The following PTCHD4 variants were observed in gnomAD, a reference collection of about 807,000 sequenced individuals.
The protein encoded by PTCHD4 is patched domain-containing protein 4.
Under a neutral mutation model 58.1 loss-of-function variants are expected in PTCHD4, and 33 were observed. The observed-to-expected ratio is 0.57, with a 90% CI of 0.43 to 0.76. The LOEUF (loss-of-function observed/expected upper bound fraction) is 0.76. PTCHD4 is among the 30% of genes least tolerant of loss of function. The pLI, the probability that PTCHD4 is intolerant of heterozygous loss-of-function variation, is 0.00. For synonymous variants in PTCHD4, 478 were observed against 409.6 expected, an observed-to-expected ratio of 1.17 and a Z score of -2.02; for missense variants, 1,058 against 1,027.1, an observed-to-expected ratio of 1.03 and a Z score of -0.41.
intron 4 of PTCHD4, among the ~76,000 whole-genome samples, chr6:47,919,894 A>G (rs1412874157): frequency 6.6e-6 from 1 of 152,062 alleles, no homozygotes; most frequent in Non-Finnish European, 1.5e-5. Flanking sequence ...GGGTCATGTG[A>G]TTGACTTCTG....
chr6:47,917,765 T>C (rs908509175), intron 4 of PTCHD4, among the ~76,000 whole-genome samples: 6 of 152,168 alleles, frequency 3.9e-5, no homozygotes, highest in East Asian at 3.9e-4. Flanking sequence ...TTCTTGAAGA[T>C]AGACATACCT....
chr6:47,941,737 A>G (rs966663728), intron 4 of PTCHD4, among the ~76,000 whole-genome samples: 2 of 152,228 alleles, frequency 1.3e-5, no homozygotes, highest in Admixed American at 6.5e-5. Flanking sequence ...TACCTACCTT[A>G]CAGGGTGGTT....
At chr6:47,978,090 C>G (rs1183949052) in intron 4 of PTCHD4, among the ~76,000 whole-genome samples, 1 of 151,518 alleles carries the variant, frequency 6.6e-6, no homozygotes, top group Non-Finnish European at 1.5e-5. Context: ...TTCCCTACTC[C>G]TCTCCCTCAT....
intron 3 of PTCHD4, among the ~76,000 whole-genome samples, chr6:48,011,150 CCA>C (rs137929523): frequency 0.7 from 106,451 of 151,456 alleles, 37,445 homozygotes; most frequent in East Asian, 0.84. Context: ...TGCAGAATCG[CCA>C]CACTGTCTTC....
At chr6:48,079,101 G>C (rs1765114843) in intron 1 of PTCHD4, among the ~76,000 whole-genome samples, 1 of 136,786 alleles carries the variant, frequency 7.3e-6, no homozygotes, top group African/African-American at 2.8e-5. Context: ...CTGGGCAACA[G>C]AGCGAAATTC....
intron 4 of PTCHD4, among the ~76,000 whole-genome samples, chr6:48,000,248 A>G (rs887920201): frequency 3.3e-5 from 5 of 152,174 alleles, no homozygotes; most frequent in African/African-American, 9.6e-5. Context: ...TGATCAAGGC[A>G]TTATTTGTTA....
In PTCHD4 at chr6:47,870,351, A is replaced by G. The variant is rs555751649; in HGVS notation, c.*7952T>C. On this transcript the variant is annotated 3_prime_UTR_variant, in exon 5 of 5. Coordinates refer to ENST00000339488, the MANE Select transcript of PTCHD4 (RefSeq NM_001384253.1). The stretch of plus-strand genomic sequence containing the variant: ...ATTTCAGTGTGTCCAAAACATGAAA[A>G]TAATGATGAACCGAACAAGGAAATA... Among the ~76,000 whole-genome samples, 43 of 151,690 alleles carry G rather than the reference A, an allele frequency of 2.8e-4. No homozygotes were observed. The highest frequency in any genetic ancestry group is 5.9e-4 in the Non-Finnish European group (40 of 67,736).
At chr6:48,037,603 G>C (rs866579793) in intron 3 of PTCHD4, among the ~76,000 whole-genome samples, 12 of 152,126 alleles carry the variant, frequency 7.9e-5, no homozygotes, top group Admixed American at 3.9e-4. Context: ...GACTTCAAAA[G>C]TTGAAAAGAA....
At position 47,868,236 on chromosome 6, in the gene PTCHD4, G is replaced by T. The variant is rs1435757711; in HGVS notation, c.*10067C>A. On this transcript the variant is annotated 3_prime_UTR_variant, in exon 5 of 5. Transcript: ENST00000339488. ...CTTGTCCTTAATTTTTCTTTATGTT[G>T]GATCACATTCTCCCTTATTTTACTA... Among the ~76,000 whole-genome samples, 2 of 150,372 alleles carry T rather than the reference G, an allele frequency of 1.3e-5. No individual in the cohort carries two copies. The highest frequency in any genetic ancestry group is 1.5e-5 in the Non-Finnish European group (1 of 67,518).
chr6:48,084,450 GTA>G (rs964396953), intron 1 of PTCHD4, among the ~76,000 whole-genome samples: 3 of 152,218 alleles, frequency 2.0e-5, no homozygotes, highest in Admixed American at 2.0e-4. Context: ...GAAAATTTTA[GTA>G]GTGAGTAGTT....
chr6:48,035,372 G>A (rs1398763089), intron 3 of PTCHD4, among the ~76,000 whole-genome samples: 1 of 151,980 alleles, frequency 6.6e-6, no homozygotes, highest in Non-Finnish European at 1.5e-5. Flanking sequence ...TGTTTTCCCT[G>A]GACCAACAGC....
At chr6:47,940,851 G>A (rs763159783) in intron 4 of PTCHD4, among the ~76,000 whole-genome samples, 2 of 152,046 alleles carry the variant, frequency 1.3e-5, no homozygotes, top group Admixed American at 6.6e-5. Context: ...AGGCCATCTC[G>A]AGCTAACAGT....
rs183035394 is a variant in PTCHD4 at position 48,084,917 on chromosome 6, G to A, written c.-969-14991C>T. Among the ~76,000 whole-genome samples the A allele has an allele frequency of 3.2e-3, 488 of 151,424 alleles. 2 individuals carry two copies. Among genetic ancestry groups the A allele is most frequent in the African/African-American group, 0.011 (436 of 41,354 alleles). ...CGCCACCACACCTGACTGATTTTTT[G>A]TATCTTAGTAGAGACGGTGTTTCAC... On this transcript the variant is annotated intron_variant, in intron 1 of 4. Transcript: ENST00000339488.
At chr6:48,063,558 C>T (rs1044422622) in intron 3 of PTCHD4, among the ~76,000 whole-genome samples, 4 of 152,126 alleles carry the variant, frequency 2.6e-5, no homozygotes, top group Admixed American at 2.6e-4. Flanking sequence ...CAAGCTCCAG[C>T]AAGTACTAGC....
intron 4 of PTCHD4, among the ~76,000 whole-genome samples, chr6:47,942,329 T>C (rs76497979): frequency 0.031 from 4,689 of 152,324 alleles, 116 homozygotes; most frequent in Non-Finnish European, 0.042. Context: ...CTTTAGTTGA[T>C]GCATTTAAAG....
intron 4 of PTCHD4, among the ~76,000 whole-genome samples, chr6:47,954,523 T>C (rs1226335191): frequency 1.3e-5 from 2 of 152,230 alleles, no homozygotes; most frequent in Non-Finnish European, 2.9e-5. Flanking sequence ...CCTGTTCTTA[T>C]GAAACCTGTG....
chr6:47,871,860 C>G lies in PTCHD4; in HGVS notation c.*6443G>C, dbSNP rs1239114140. 6.6e-6 allele frequency among the ~76,000 whole-genome samples: 1 copy of G among 151,534 alleles called. No individual in the cohort carries two copies. Among genetic ancestry groups the G allele is most frequent in the Non-Finnish European group, 1.5e-5 (1 of 67,720 alleles). ...ACAGGAAAGTATAATAAAGTTGTTG[C>G]TTAAACTACTAAAACTTTGGGATAT... is the stretch of plus-strand genomic sequence containing the variant. On this transcript the variant is annotated 3_prime_UTR_variant, in exon 5 of 5. Coordinates refer to ENST00000339488, the MANE Select transcript of PTCHD4 (RefSeq NM_001384253.1).
chr6:47,897,639 T>C (rs1211581724), intron 4 of PTCHD4, among the ~76,000 whole-genome samples: 2 of 152,196 alleles, frequency 1.3e-5, no homozygotes, highest in Non-Finnish European at 2.9e-5. Context: ...TACATTGGCT[T>C]CTGGTCCCAG....
chr6:47,955,654 G>A (rs918405874), intron 4 of PTCHD4, among the ~76,000 whole-genome samples: 1 of 152,126 alleles, frequency 6.6e-6, no homozygotes, highest in Non-Finnish European at 1.5e-5. Context: ...GATCAGAATA[G>A]AATATTATAA....
Sources: allele counts gnomAD v4.1 joint callset (sites outside exome capture counted in the v4.1 genomes callset), GRCh38; gene constraint gnomAD v4.1.1; transcripts MANE v1.5; gene names NCBI Gene and HGNC (gene_info 2026-07-23, HGNC 2026-07-21).